Variants in KAZN observed in about 807,000 individuals in gnomAD.
KAZN encodes the protein kazrin, periplakin interacting protein, also known as kazrin.
A neutral mutation model predicts 87.4 loss-of-function variants in KAZN; 40 were observed. The observed-to-expected ratio is 0.46, with a 90% CI of 0.36 to 0.60. The LOEUF (loss-of-function observed/expected upper bound fraction) is 0.60, where lower values mean the gene tolerates loss of function less well. Ranked by LOEUF, KAZN falls within the 20% of genes least tolerant of loss-of-function variation. The pLI is 0.00. For synonymous variants in KAZN, 466 were observed against 458.3 expected (o/e 1.02, Z -0.22); for missense variants, 898 against 1,073.9 (o/e 0.84, Z 2.29).
chr1:14,751,241 A>G (rs12064470), intron 1 of KAZN, among the ~76,000 whole-genome samples: 4,227 of 152,216 alleles, frequency 0.028, 98 homozygotes, highest in South Asian at 0.067. Context: ...CAGGCCTTTA[A>G]TTACATGTGG....
rs192957439 is a variant in KAZN, at chr1:14,954,829, G to A, written c.227-5855G>A. Among the ~76,000 whole-genome samples the A allele has an allele frequency of 3.7e-3, 567 of 152,220 alleles. 2 individuals carry two copies. The highest frequency in any genetic ancestry group is 0.013 in the African/African-American group (543 of 41,526). On this transcript the variant is annotated intron_variant, in intron 1 of 14. Coordinates refer to ENST00000376030, the MANE Select transcript of KAZN (RefSeq NM_201628.3). ...AAATTAGCTGGGCGTGGTGGCAGGCGCCTGTAGTCCCAGCTACTCGGGAGG... is the reference window on the plus strand; with the variant it reads ...AAATTAGCTGGGCGTGGTGGCAGGCACCTGTAGTCCCAGCTACTCGGGAGG...
At chr1:14,141,946 C>T (rs992362215) in intron 1 of KAZN, among the ~76,000 whole-genome samples, 1 of 124,582 alleles carries the variant, frequency 8.0e-6, no homozygotes, top group African/African-American at 3.4e-5. Flanking sequence ...AGGCTTTGTG[C>T]TTATGAGAAT....
At chr1:14,674,933 C>T (rs1052071231) in intron 1 of KAZN, among the ~76,000 whole-genome samples, 4 of 149,724 alleles carry the variant, frequency 2.7e-5, no homozygotes, top group East Asian at 2.0e-4. Context: ...ACTACAGACA[C>T]GCACCACCAC....
At chr1:15,009,819 T>C (rs573439871) in intron 2 of KAZN, among the ~76,000 whole-genome samples, 74 of 152,334 alleles carry the variant, frequency 4.9e-4, no homozygotes, top group African/African-American at 1.7e-3. Flanking sequence ...CATCAACCCA[T>C]GGCCAATTCT....
At chr1:14,271,611 C>T (rs1432107395) in intron 2 of KAZN, among the ~76,000 whole-genome samples, 1 of 152,206 alleles carries the variant, frequency 6.6e-6, no homozygotes, top group African/African-American at 2.4e-5. Context: ...CTCTCTGTCT[C>T]TCTCATCTTT....
chr1:14,634,014 A>G (rs181290030), intron 1 of KAZN, among the ~76,000 whole-genome samples: 1 of 152,230 alleles, frequency 6.6e-6, no homozygotes, highest in Admixed American at 6.5e-5. Context: ...TGAGGGTCTC[A>G]ATAGCAGGGT....
intron 2 of KAZN, among the ~76,000 whole-genome samples, chr1:14,419,512 C>G (rs965406019): frequency 1.3e-5 from 2 of 152,202 alleles, no homozygotes; most frequent in African/African-American, 4.8e-5. Flanking sequence ...TAGGCCAGTT[C>G]CCTCTGTGTG....
At chr1:14,121,006 C>T (rs1374804480) in intron 1 of KAZN, among the ~76,000 whole-genome samples, 1 of 152,162 alleles carries the variant, frequency 6.6e-6, no homozygotes, top group Non-Finnish European at 1.5e-5. Context: ...GATATCTAGT[C>T]TGGAGCTGTG....
At chr1:14,320,668 G>C (rs1233223694) in intron 2 of KAZN, among the ~76,000 whole-genome samples, 1 of 152,168 alleles carries the variant, frequency 6.6e-6, no homozygotes, top group Non-Finnish European at 1.5e-5. Context: ...TTTCCTGGCA[G>C]TTGCTTACAC....
chr1:14,002,092 A>C (rs1008322088), intron 1 of KAZN, among the ~76,000 whole-genome samples: 12 of 152,252 alleles, frequency 7.9e-5, no homozygotes, highest in Admixed American at 1.3e-4. Flanking sequence ...AAATTTTTGC[A>C]ATCTACCCAT....
chr1:14,431,250 A>G (rs1666053065), intron 2 of KAZN, among the ~76,000 whole-genome samples: 1 of 152,198 alleles, frequency 6.6e-6, no homozygotes, highest in African/African-American at 2.4e-5. Context: ...ACAATTTCTC[A>G]TTTAATCCTC....
chr1:14,176,233 T>C (rs1286703559), intron 1 of KAZN, among the ~76,000 whole-genome samples: 1 of 152,148 alleles, frequency 6.6e-6, no homozygotes, highest in African/African-American at 2.4e-5. Context: ...TTATGTATTA[T>C]CTTGTCCTGG....
chr1:14,930,979 A>G (rs12567946), intron 1 of KAZN, among the ~76,000 whole-genome samples: 15,433 of 151,936 alleles, frequency 0.1, 1,084 homozygotes, highest in East Asian at 0.31. Context: ...CGCCACAACC[A>G]TTTGGAAATC....
At chr1:14,148,982 GTT>G (rs1046650161) in intron 1 of KAZN, among the ~76,000 whole-genome samples, 223 of 151,804 alleles carry the variant, frequency 1.5e-3, no homozygotes, top group African/African-American at 5.1e-3. Flanking sequence ...GTGTTCTGTA[GTT>G]GAATTCTGTA....
chr1:14,944,222 C>G (rs1661470347), intron 1 of KAZN, among the ~76,000 whole-genome samples: 1 of 124,436 alleles, frequency 8.0e-6, no homozygotes. Context: ...CCCAGCTCCC[C>G]CTCCTAAAAA....
At chr1:14,653,990 C>G (rs2148702285) in intron 1 of KAZN, among the ~76,000 whole-genome samples, 1 of 152,192 alleles carries the variant, frequency 6.6e-6, no homozygotes, top group Non-Finnish European at 1.5e-5. Context: ...TTATAACAAC[C>G]AAAAATATCT....
intron 1 of KAZN, among the ~76,000 whole-genome samples, chr1:14,162,851 T>C (rs939134152): frequency 1.6e-4 from 25 of 152,186 alleles, no homozygotes; most frequent in African/African-American, 5.5e-4. Flanking sequence ...GCCGGCTTTA[T>C]CTTTATACAG....
intron 1 of KAZN, among the ~76,000 whole-genome samples, chr1:14,799,938 C>T (rs56372485): frequency 6.6e-6 from 1 of 152,086 alleles, no homozygotes; most frequent in African/African-American, 2.4e-5. Flanking sequence ...TAGATGTCCC[C>T]GAAGGCCATA....
In KAZN at chr1:14,839,716, G is replaced by A. The variant is rs1187200977; in HGVS notation, c.227-120968G>A. ...TCAGCTAGATTGTATCTTTAAGAAC[G>A]GGGACTATTTTTCTCTGACTAATCC... On this transcript the variant is annotated intron_variant, in intron 1 of 14. Coordinates refer to ENST00000376030, the MANE Select transcript of KAZN (RefSeq NM_201628.3). 3.9e-5 allele frequency among the ~76,000 whole-genome samples: 6 copies of A among 152,090 alleles called. No homozygotes were observed. The South Asian group carries it at 8.3e-4, about 21-fold the overall frequency.
Sources: gnomAD v4.1 joint callset for allele counts (sites outside exome capture counted in the v4.1 genomes callset) on GRCh38, gnomAD v4.1.1 for gene constraint, MANE v1.5 for transcripts, NCBI Gene and HGNC (gene_info 2026-07-23, HGNC 2026-07-21) for gene names.